Variants in SEC16A observed in about 807,000 individuals in gnomAD.
SEC16A encodes the protein protein transport protein Sec16A.
SEC16A carries 110 observed loss-of-function variants against 221.9 expected under a neutral mutation model. The ratio of observed to expected loss-of-function variants is 0.50; its 90% CI spans 0.42 to 0.58. SEC16A has a LOEUF of 0.58. Among genes scored for constraint, SEC16A ranks in the 20% least tolerant of loss-of-function variants. The probability of loss-of-function intolerance (pLI) is 0.00; values close to 1 mark genes in which losing one functional copy is unlikely to be tolerated. For missense variants in SEC16A, 3,165 were observed against 3,097.8 expected, an observed-to-expected ratio of 1.02 and a Z score of -0.52; for synonymous variants, 1,393 against 1,257.7, an observed-to-expected ratio of 1.11 and a Z score of -2.28.
rs374517038 is a variant in SEC16A, at chr9:136,460,066, G to A, written c.5049C>T (p.Ser1683=). 1.4e-4 allele frequency: 223 copies of A among 1,606,124 alleles called. 2 individuals carry two copies. Among genetic ancestry groups the A allele is most frequent in the African/African-American group, 1.4e-3 (103 of 74,904 alleles). The change falls in exon 14 of 32, where the codon TCC becomes TCT. Residue 1683 remains serine, a synonymous_variant. Coordinates refer to ENST00000684901, the MANE Select transcript of SEC16A (RefSeq NM_014866.2). ...DPLQTVYQLM[S]GRMPAASTCC... Reference sequence around the variant, plus strand: ...CCGTGGACGCGGCAGGCATCCGTCCGGACATGAGCTGGTAGACTGTCTGCA... The same window carrying A: ...CCGTGGACGCGGCAGGCATCCGTCCAGACATGAGCTGGTAGACTGTCTGCA...
rs1365720690 is a variant in SEC16A, at chr9:136,447,267, C to A, written c.6657G>T (p.Ala2219=). Residue 2219 remains alanine, a synonymous_variant, in exon 27 of 32, where the codon GCG becomes GCT. Coordinates refer to ENST00000684901, the MANE Select transcript of SEC16A (RefSeq NM_014866.2). This position sits in a 1 kb window ranked among gnomAD's most constrained non-coding sequence, Gnocchi z 5.5. ...ACAAGTTAGAAGGAATTGGGAGTGG[C>A]GCGAGTGGAGCGACAAAGTCCGCAG... ...LAPADFVAPL[A]PLPIPSNLFV... The A allele has an allele frequency of 6.3e-7, 1 of 1,596,732 alleles. No individual in the cohort carries two copies. Among genetic ancestry groups the A allele is most frequent in the South Asian group, 1.1e-5 (1 of 87,926 alleles).
intron 5 of SEC16A, 34 bp from the exon 6 acceptor site, chr9:136,467,117 C>T (rs982995854): frequency 1.2e-6 from 2 of 1,611,986 alleles, no homozygotes; most frequent in Non-Finnish European, 8.5e-7. Flanking sequence ...AATACAGTAA[C>T]ATGCAAAAGA....
intron 17 of SEC16A, among the ~76,000 whole-genome samples, chr9:136,458,785 G>A (rs1356039461): frequency 6.6e-6 from 1 of 152,058 alleles, no homozygotes; most frequent in African/African-American, 2.4e-5. Flanking sequence ...AAATTAGTGT[G>A]GCATGGTAGT....
At chr9:136,469,143 C>A (rs1272149450) in intron 4 of SEC16A, among the ~76,000 whole-genome samples, 1 of 152,198 alleles carries the variant, frequency 6.6e-6, no homozygotes, top group Non-Finnish European at 1.5e-5. Flanking sequence ...ACCCACAGTG[C>A]CCGGTCTCAC....
chr9:136,448,563 G>A, intron 23 of SEC16A: 1 of 713,388 alleles, frequency 1.4e-6, no homozygotes, highest in Non-Finnish European at 2.6e-6. Context: ...GAGGATGGAG[G>A]TGGGGAGCAG....
rs778284428 is a variant in SEC16A, at chr9:136,477,323, T to C, written c.293A>G (p.His98Arg). Residue 98 changes from histidine (H) to arginine (R), a missense_variant, in exon 3 of 32, where the codon CAT becomes CGT. Physicochemically the swap from His to Arg is conservative, Grantham distance 29 (BLOSUM62 0). Around this residue, in one of 3 missense-constraint regions of SEC16A, gnomAD observed 2,030 missense variants for 1,923.1 expected, o/e 1.06. Transcript: ENST00000684901. ...GGGTCCCTGAGAGCTATCTCTGGCA[T>C]GTGTGTGAGGAACAAGCAAACCGGG... ...QHPGLLVPHT[H>R]ARDSSQGPCE... 3 of 1,613,858 alleles carry C rather than the reference T, an allele frequency of 1.9e-6. No homozygotes were observed. The South Asian group carries it at 3.3e-5, about 18-fold the overall frequency.
chr9:136,444,623 ACTGCTGTAAT>A (rs1300802243), intron 30 of SEC16A, among the ~76,000 whole-genome samples: 2 of 152,132 alleles, frequency 1.3e-5, no homozygotes, highest in Non-Finnish European at 1.5e-5. Flanking sequence ...TTAAAGGAAC[ACTGCTGTAAT>A]CTCAGCACTT....
At chr9:136,472,257 GA>G in intron 3 of SEC16A, 146 bp from the exon 4 acceptor site, 1 of 916,764 alleles carries the variant, frequency 1.1e-6, no homozygotes, top group Non-Finnish European at 1.7e-6. Context: ...GCCTGAGCTA[GA>G]AACATCGCAG....
intron 22 of SEC16A, among the ~76,000 whole-genome samples, chr9:136,452,477 A>AAAAAAAAAAAAAAG (rs1413100239): frequency 6.9e-6 from 1 of 144,996 alleles, no homozygotes; most frequent in Non-Finnish European, 1.5e-5. Context: ...AAAAAAAAAA[A>AAAAAAAAAAAAAAG]AGAGATGGCC....
In SEC16A at chr9:136,476,214, G is replaced by C; in HGVS notation, c.1402C>G (p.Gln468Glu). 1.2e-6 allele frequency: 2 copies of C among 1,613,758 alleles called. No individual in the cohort carries two copies. The highest frequency in any genetic ancestry group is 1.7e-4 in the Middle Eastern group (1 of 6,060). The change falls in exon 3 of 32, where the codon CAA becomes GAA. Residue 468 changes from glutamine to glutamate, a missense_variant. This residue lies in a region of SEC16A where 2,030 missense variants were observed against 1,923.1 expected (regional missense o/e 1.06). Transcript: ENST00000684901. ...AGGGGCTCACTTGGCAGAACTTCTT[G>C]ATTCTGAACAAATTCTAAGTTCTCA... Reference protein sequence around the residue: ...NVENLEFVQNQEVLPSEPLNL... With the variant: ...NVENLEFVQNEEVLPSEPLNL...
chr9:136,483,144 TTC>T (rs1239530940), upstream of SEC16A: 14 of 412,800 alleles, frequency 3.4e-5, no homozygotes, highest in East Asian at 1.9e-4. Context: ...CCCAGACGCG[TTC>T]TCTTTCAGCC....
At chr9:136,444,977 C>A in intron 30 of SEC16A, 75 bp downstream of exon 30, 2 of 1,357,998 alleles carry the variant, frequency 1.5e-6, no homozygotes, top group Non-Finnish European at 1.0e-6. Context: ...ACGTGGCGAA[C>A]CGGCACCGCG....
rs941756445 is a variant in SEC16A, at chr9:136,468,944, G to A, written c.3705-432C>T. On this transcript the variant is annotated intron_variant, in intron 4 of 31. Transcript: ENST00000684901. ...AGCTTAACACAACCTCCACCTCCCA[G>A]GCTCAAGCAATCCTCCCACCTCAGC... Among the ~76,000 whole-genome samples, 8 of 152,170 alleles carry A rather than the reference G, an allele frequency of 5.3e-5. No homozygotes were observed. The South Asian group carries it at 1.5e-3, about 28-fold the overall frequency.
intron 22 of SEC16A, among the ~76,000 whole-genome samples, chr9:136,452,449 CAAAAAAA>C (rs752510860): frequency 1.3e-4 from 3 of 23,294 alleles, no homozygotes; most frequent in East Asian, 1.5e-3. Context: ...AACTCCATCT[CAAAAAAA>C]AAAAAAAAAA....
chr9:136,445,873 G>A (rs1444960553), intron 28 of SEC16A, among the ~76,000 whole-genome samples, 154 bp from the exon 29 acceptor site: 5 of 152,166 alleles, frequency 3.3e-5, no homozygotes, highest in Admixed American at 6.5e-5. Context: ...TGCCTCACAC[G>A]TGGGTCCAGC....
At chr9:136,468,619 T>C (rs997389644) in intron 4 of SEC16A, 107 bp from the exon 5 acceptor site, 6 of 670,224 alleles carry the variant, frequency 9.0e-6, no homozygotes, top group African/African-American at 3.7e-5. Context: ...TCAAAGCACT[T>C]TGGTTGTACA....
intron 8 of SEC16A, 145 bp downstream of exon 8, chr9:136,465,817 T>G: frequency 1.2e-6 from 1 of 855,134 alleles, no homozygotes; most frequent in Non-Finnish European, 1.8e-6. Flanking sequence ...TGACACACCC[T>G]GCTTCTCGGA....
chr9:136,444,259 G>C (rs1836630906), intron 30 of SEC16A, among the ~76,000 whole-genome samples: 1 of 152,202 alleles, frequency 6.6e-6, no homozygotes, highest in Non-Finnish European at 1.5e-5. Context: ...CAGGCGGAAG[G>C]GTCGCTGCAA....
rs1489190838 is a variant in SEC16A, at chr9:136,476,794, G to C, written c.822C>G (p.Ala274=). 5 of 1,611,458 alleles carry C rather than the reference G, an allele frequency of 3.1e-6. No homozygotes were observed. Among genetic ancestry groups the C allele is most frequent in the Non-Finnish European group, 4.2e-6 (5 of 1,178,298 alleles). ...CCTCGTCTCTTCCGTCACTGGGCAAGGCTGCTGGGGGAGCCACCAGAGGGC... is the reference window on the plus strand; with the variant it reads ...CCTCGTCTCTTCCGTCACTGGGCAACGCTGCTGGGGGAGCCACCAGAGGGC... ...QHSPLVAPPA[A]LPSDGRDEVS... Residue 274 remains alanine (A), a synonymous_variant, in exon 3 of 32, where the codon GCC becomes GCG. Transcript: ENST00000684901.
Sources: gnomAD v4.1 joint callset for allele counts (sites outside exome capture counted in the v4.1 genomes callset) on GRCh38, gnomAD v4.1.1 for gene constraint, gnomAD v4.1.1 regional missense constraint, Gnocchi (gnomAD v3.1) non-coding constraint, MANE v1.5 for transcripts, NCBI Gene and HGNC (gene_info 2026-07-23, HGNC 2026-07-21) for gene names.